FRAS1: variants seen among roughly 807,000 people sequenced by gnomAD.
FRAS1 encodes the protein extracellular matrix organizing protein FRAS1.
Under a neutral mutation model 435.2 loss-of-function variants are expected in FRAS1, and 290 were observed. That is an observed-to-expected ratio of 0.67 (90% CI 0.61 to 0.73). The LOEUF is 0.73. Ranked by LOEUF, FRAS1 falls within the 30% of genes least tolerant of loss-of-function variation. FRAS1 has a pLI of 0.00. For synonymous variants in FRAS1, 1,800 were observed against 1,851.0 expected (o/e 0.97, Z 0.71); for missense variants, 4,860 against 5,001.5 (o/e 0.97, Z 0.85).
intron 6 of FRAS1, among the ~76,000 whole-genome samples, chr4:78,262,571 G>A (rs1726160857): frequency 6.6e-6 from 1 of 152,162 alleles, no homozygotes; most frequent in Non-Finnish European, 1.5e-5. Context: ...GCAATGGCAG[G>A]AGGTGGACTG....
intron 3 of FRAS1, among the ~76,000 whole-genome samples, chr4:78,238,852 C>G (rs1243085884): frequency 2.0e-5 from 3 of 152,174 alleles, no homozygotes; most frequent in East Asian, 1.9e-4. Context: ...TAAACATGCT[C>G]TATATCAGGG....
chr4:78,284,183 G>A (rs1727464199), intron 12 of FRAS1, among the ~76,000 whole-genome samples: 1 of 142,486 alleles, frequency 7.0e-6, no homozygotes, highest in African/African-American at 2.5e-5. Flanking sequence ...AGACAGTGAT[G>A]AATTTCAGAC....
intron 1 of FRAS1, among the ~76,000 whole-genome samples, chr4:78,061,353 G>T (rs1394931213): frequency 6.6e-6 from 1 of 152,128 alleles, no homozygotes; most frequent in Non-Finnish European, 1.5e-5. Context: ...GCTTTTTCTG[G>T]AGAAATATCT....
At chr4:78,528,459 T>A (rs1161350724) in intron 70 of FRAS1, among the ~76,000 whole-genome samples, 1 of 152,216 alleles carries the variant, frequency 6.6e-6, no homozygotes, top group Non-Finnish European at 1.5e-5. Context: ...AGATCTGTTT[T>A]CTGCCACTAT....
chr4:78,313,849 G>C (rs1209958547), intron 15 of FRAS1, among the ~76,000 whole-genome samples: 5 of 152,088 alleles, frequency 3.3e-5, no homozygotes, highest in Non-Finnish European at 7.4e-5. Flanking sequence ...TCCTTTAAAG[G>C]AACAGTTTAT....
intron 59 of FRAS1, among the ~76,000 whole-genome samples, chr4:78,492,021 C>T (rs1011687593): frequency 1.3e-5 from 2 of 151,998 alleles, no homozygotes; most frequent in Non-Finnish European, 2.9e-5. Flanking sequence ...AAACAGAGAG[C>T]CAAATCATGA....
chr4:78,311,125 A>G (rs891057524), intron 15 of FRAS1, among the ~76,000 whole-genome samples: 11 of 152,168 alleles, frequency 7.2e-5, no homozygotes, highest in African/African-American at 2.7e-4. Context: ...ATCAAAGCAT[A>G]ATAAATCAGA....
intron 29 of FRAS1, among the ~76,000 whole-genome samples, chr4:78,392,799 A>G (rs1323768636): frequency 6.6e-6 from 1 of 152,008 alleles, no homozygotes; most frequent in Non-Finnish European, 1.5e-5. Context: ...GTACAGAAAA[A>G]AAAATATGAG....
intron 27 of FRAS1, among the ~76,000 whole-genome samples, chr4:78,380,545 C>T (rs115185786): frequency 0.018 from 2,695 of 152,272 alleles, 82 homozygotes; most frequent in African/African-American, 0.062. Context: ...CCCCAGCTGA[C>T]ATATGCTTCA....
At chr4:78,371,829 C>T (rs1731524014) in intron 23 of FRAS1, among the ~76,000 whole-genome samples, 1 of 152,202 alleles carries the variant, frequency 6.6e-6, no homozygotes, top group African/African-American at 2.4e-5. Context: ...ACAGCAACAG[C>T]AACAACTATA....
At chr4:78,203,788 G>T (rs372469174) in intron 2 of FRAS1, among the ~76,000 whole-genome samples, 2 of 152,000 alleles carry the variant, frequency 1.3e-5, no homozygotes, top group Non-Finnish European at 2.9e-5. Flanking sequence ...GGCTGGTCTC[G>T]AACTCCTGAC....
rs189541900 is a variant in FRAS1, at chr4:78,118,501, C to G, written c.108+52485C>G. 2.1e-3 allele frequency among the ~76,000 whole-genome samples: 313 copies of G among 152,280 alleles called. 3 individuals are homozygous for G. The highest frequency in any genetic ancestry group is 7.2e-3 in the African/African-American group (301 of 41,534). ...GCTTCCCGGCTGCTTTGTTTACCTACTCAAGACTTGGCAATGGTGGGCACC... is the reference window on the plus strand; with the variant it reads ...GCTTCCCGGCTGCTTTGTTTACCTAGTCAAGACTTGGCAATGGTGGGCACC... On this transcript the variant is annotated intron_variant, in intron 2 of 73. Coordinates refer to ENST00000512123, the MANE Select transcript of FRAS1 (RefSeq NM_025074.7).
At chr4:78,196,383 C>T (rs1484831770) in intron 2 of FRAS1, among the ~76,000 whole-genome samples, 2 of 152,176 alleles carry the variant, frequency 1.3e-5, no homozygotes, top group Non-Finnish European at 2.9e-5. Flanking sequence ...AACATCTATT[C>T]TAGAACATAA....
At chr4:78,468,458 G>A (rs943977378) in intron 50 of FRAS1, among the ~76,000 whole-genome samples, 5 of 145,712 alleles carry the variant, frequency 3.4e-5, no homozygotes, top group Non-Finnish European at 6.2e-5. Flanking sequence ...TGGCACACAG[G>A]GAACATCAGA....
chr4:78,378,951 C>T (rs193101946), intron 26 of FRAS1, among the ~76,000 whole-genome samples: 74 of 152,162 alleles, frequency 4.9e-4, no homozygotes, highest in African/African-American at 1.7e-3. Context: ...ACTTCAAAAT[C>T]GTAAAAATGT....
At chr4:78,299,689 T>C (rs767699566) in intron 14 of FRAS1, among the ~76,000 whole-genome samples, 1 of 152,202 alleles carries the variant, frequency 6.6e-6, no homozygotes, top group African/African-American at 2.4e-5. Flanking sequence ...AAAGCAGAAG[T>C]GATCATTCCA....
chr4:78,199,261 G>T (rs1040769586), intron 2 of FRAS1, among the ~76,000 whole-genome samples: 3 of 152,156 alleles, frequency 2.0e-5, no homozygotes, highest in East Asian at 1.9e-4. Context: ...TGACAAATGA[G>T]TTCTATTAGT....
At chr4:78,394,244 T>A (rs1732562248) in intron 29 of FRAS1, among the ~76,000 whole-genome samples, 1 of 152,026 alleles carries the variant, frequency 6.6e-6, no homozygotes, top group Non-Finnish European at 1.5e-5. Flanking sequence ...ATTTTTGCTT[T>A]TATTTCCCGT....
chr4:78,494,238 T>C (rs867838671), intron 59 of FRAS1, among the ~76,000 whole-genome samples: 5 of 152,216 alleles, frequency 3.3e-5, no homozygotes, highest in African/African-American at 9.6e-5. Flanking sequence ...TAGGTGTACA[T>C]GTAATCTGTT....
Sources: gnomAD v4.1 joint callset for allele counts (sites outside exome capture counted in the v4.1 genomes callset) on GRCh38, gnomAD v4.1.1 for gene constraint, MANE v1.5 for transcripts, NCBI Gene and HGNC (gene_info 2026-07-23, HGNC 2026-07-21) for gene names.